Variants in NAALADL2 observed in about 807,000 individuals in gnomAD.
The protein encoded by NAALADL2 is N-acetylated alpha-linked acidic dipeptidase like 2, also known as inactive N-acetylated-alpha-linked acidic dipeptidase-like protein 2.
Under a neutral mutation model 87.2 loss-of-function variants are expected in NAALADL2, and 76 were observed. That is an observed-to-expected ratio of 0.87 (90% CI 0.72 to 1.05). NAALADL2 has a LOEUF of 1.05. Among genes scored for constraint, NAALADL2 ranks in the 50% least tolerant of loss-of-function variants. NAALADL2 has a pLI of 0.00. For missense variants in NAALADL2, 1,089 were observed against 945.8 expected, an observed-to-expected ratio of 1.15 and a Z score of -1.99; for synonymous variants, 354 against 331.0, an observed-to-expected ratio of 1.07 and a Z score of -0.75.
chr3:175,474,839 G>A (rs2149302693), intron 9 of NAALADL2, among the ~76,000 whole-genome samples: 1 of 150,784 alleles, frequency 6.6e-6, no homozygotes, highest in East Asian at 2.0e-4. Flanking sequence ...TGTGTAGATA[G>A]CTGCTAAATT....
intron 9 of NAALADL2, among the ~76,000 whole-genome samples, chr3:175,529,075 A>G (rs760954414): frequency 2.0e-5 from 3 of 152,126 alleles, no homozygotes; most frequent in Non-Finnish European, 4.4e-5. Flanking sequence ...GCCTGGATTG[A>G]GCTATAATTT....
chr3:174,551,203 C>G (rs1033325843), intron 2 of NAALADL2: 1 of 152,072 alleles, frequency 6.6e-6, no homozygotes, highest in Non-Finnish European at 1.5e-5. Context: ...TTTTTTCACT[C>G]TGCTCTTGTG....
chr3:174,530,413 C>T (rs74330212), intron 1 of NAALADL2, among the ~76,000 whole-genome samples: 11,877 of 152,242 alleles, frequency 0.078, 1,085 homozygotes, highest in East Asian at 0.38. Flanking sequence ...ATTTTCCTAT[C>T]TTCTTCTGAA....
intron 2 of NAALADL2, among the ~76,000 whole-genome samples, chr3:175,193,278 C>T (rs1412605943): frequency 6.6e-6 from 1 of 151,336 alleles, no homozygotes; most frequent in African/African-American, 2.4e-5. Flanking sequence ...AAATGGGGAC[C>T]CATGTGCTCA....
At position 174,975,428 on chromosome 3, in the gene NAALADL2, C is replaced by T. The variant is rs1275475243; in HGVS notation, c.43+115978C>T. On this transcript the variant is annotated intron_variant, in intron 1 of 13. Transcript: ENST00000454872. ...GGCAGGCAGAATTCTAAAGTGGTTC[C>T]CAAGATTTCCATCTCCTGGTGTGCA... Among the ~76,000 whole-genome samples the T allele has an allele frequency of 3.9e-5, 6 of 152,028 alleles. No homozygotes were observed. The East Asian group carries it at 1.2e-3, about 29-fold the overall frequency.
At chr3:175,616,125 TAA>T (rs1450844640) in intron 10 of NAALADL2, among the ~76,000 whole-genome samples, 1 of 147,522 alleles carries the variant, frequency 6.8e-6, no homozygotes, top group Non-Finnish European at 1.5e-5. Context: ...ATATCACAGA[TAA>T]GTTTGATATA....
intron 9 of NAALADL2, among the ~76,000 whole-genome samples, chr3:175,531,048 C>T (rs968837950): frequency 6.6e-6 from 1 of 152,060 alleles, no homozygotes; most frequent in African/African-American, 2.4e-5. Context: ...AAACAGCATC[C>T]CTAACTACCA....
intron 11 of NAALADL2, among the ~76,000 whole-genome samples, chr3:175,733,988 G>A (rs1366796498): frequency 6.6e-6 from 1 of 152,158 alleles, no homozygotes; most frequent in East Asian, 1.9e-4. Flanking sequence ...GCAGGGTATA[G>A]CCCCCCTCCT....
chr3:175,305,967 T>C (rs145926561), intron 4 of NAALADL2, among the ~76,000 whole-genome samples: 1 of 152,194 alleles, frequency 6.6e-6, no homozygotes, highest in Non-Finnish European at 1.5e-5. Context: ...TTAATTTTTT[T>C]AAGATTTTTT....
chr3:175,526,802 G>T (rs1408998121), intron 9 of NAALADL2, among the ~76,000 whole-genome samples: 1 of 152,076 alleles, frequency 6.6e-6, no homozygotes, highest in African/African-American at 2.4e-5. Context: ...TTCTTCCGGG[G>T]AAAACCGAGA....
At chr3:175,015,610 T>C (rs887037650) in intron 1 of NAALADL2, among the ~76,000 whole-genome samples, 29 of 152,242 alleles carry the variant, frequency 1.9e-4, no homozygotes, top group Admixed American at 9.2e-4. Context: ...ATATTAAATA[T>C]GATGTGTTTC....
intron 1 of NAALADL2, among the ~76,000 whole-genome samples, chr3:174,866,112 A>G (rs1378040563): frequency 6.6e-6 from 1 of 151,970 alleles, no homozygotes; most frequent in African/African-American, 2.4e-5. Context: ...CAAATTATAT[A>G]GAAATGTACC....
intron 3 of NAALADL2, among the ~76,000 whole-genome samples, chr3:174,748,371 A>G (rs1052355128): frequency 1.3e-5 from 2 of 150,636 alleles, no homozygotes; most frequent in Admixed American, 6.6e-5. Flanking sequence ...GGTGGCCCCT[A>G]GAAGCTAGAA....
intron 9 of NAALADL2, among the ~76,000 whole-genome samples, chr3:175,571,867 C>G (rs1404467588): frequency 6.6e-6 from 1 of 152,132 alleles, no homozygotes; most frequent in Non-Finnish European, 1.5e-5. Context: ...GGTTATCTGA[C>G]TTTTTAACTT....
At chr3:175,756,189 A>G (rs1307686516) in intron 13 of NAALADL2, among the ~76,000 whole-genome samples, 1 of 152,178 alleles carries the variant, frequency 6.6e-6, no homozygotes, top group African/African-American at 2.4e-5. Context: ...GAAAGCAGAG[A>G]AAAAGTAATG....
At chr3:175,653,181 G>T (rs1325230167) in intron 11 of NAALADL2, among the ~76,000 whole-genome samples, 1 of 151,996 alleles carries the variant, frequency 6.6e-6, no homozygotes, top group Non-Finnish European at 1.5e-5. Context: ...TCTCAGAGGT[G>T]GCAGAGTTGG....
intron 1 of NAALADL2, among the ~76,000 whole-genome samples, chr3:174,993,994 T>A (rs1174616707): frequency 6.6e-6 from 1 of 152,150 alleles, no homozygotes; most frequent in Non-Finnish European, 1.5e-5. Context: ...TTATAGGGCA[T>A]CAATCATTTT....
chr3:174,733,890 G>GTCATAGTCCAGCCATGT (rs1732940770), intron 2 of NAALADL2, among the ~76,000 whole-genome samples: 1 of 152,194 alleles, frequency 6.6e-6, no homozygotes, highest in Non-Finnish European at 1.5e-5. Flanking sequence ...CTTTCTGGAT[G>GTCATAGTCCAGCCATGT]TGGTGATCTG....
chr3:175,769,582 T>C (rs958688892), intron 13 of NAALADL2, among the ~76,000 whole-genome samples: 2 of 152,212 alleles, frequency 1.3e-5, no homozygotes, highest in African/African-American at 2.4e-5. Context: ...CTAATTGCTA[T>C]GTAGAAAACA....
Sources: gnomAD v4.1 joint callset for allele counts (sites outside exome capture counted in the v4.1 genomes callset) on GRCh38, gnomAD v4.1.1 for gene constraint, MANE v1.5 for transcripts, NCBI Gene and HGNC (gene_info 2026-07-23, HGNC 2026-07-21) for gene names.